The following XPO6 variants were observed in gnomAD, a reference collection of about 807,000 sequenced individuals.
XPO6 encodes exportin-6.
XPO6 carries 3 observed loss-of-function variants against 130.0 expected under a neutral mutation model. That is an observed-to-expected ratio of 0.02 (90% CI 0.01 to 0.06). XPO6 has a LOEUF of 0.06. Ranked by LOEUF, XPO6 falls within the 10% of genes least tolerant of loss-of-function variation. The pLI, the probability that XPO6 is intolerant of heterozygous loss-of-function variation, is 1.00. For synonymous variants in XPO6, 524 were observed against 548.9 expected (o/e 0.95, Z 0.63); for missense variants, 970 against 1,393.0 (o/e 0.70, Z 4.83).
intron 13 of XPO6, among the ~76,000 whole-genome samples, chr16:28,123,635 T>C (rs1375071218): frequency 6.6e-6 from 1 of 152,110 alleles, no homozygotes; most frequent in Non-Finnish European, 1.5e-5. Context: ...TTCCGGTCAG[T>C]CAAGAAAGTG....
In XPO6 at chr16:28,106,396, T is replaced by C. The variant is rs747689429; in HGVS notation, c.2599A>G (p.Asn867Asp). The change falls in exon 19 of 24, where the codon AAC becomes GAC. Residue 867 changes from asparagine to aspartate, a missense_variant. Asn to Asp is a conservative substitution (Grantham distance 23, BLOSUM62 1). Around this residue, in one of 4 missense-constraint regions of XPO6, gnomAD observed 936 missense variants for 1,306.8 expected, o/e 0.72. Transcript: ENST00000304658. The surrounding 1 kb of genome is among the most constrained non-coding windows in gnomAD (Gnocchi z 4.2). ...GTCTGTGCTTACCTGGTAAACATGT[T>C]GAGGAAAGTCTGTATGATTTGCTCA... ...FTEQIIQTFL[N>D]MFTREQLAES... 2 of 1,614,166 alleles carry C rather than the reference T, an allele frequency of 1.2e-6. No homozygotes were observed. Among genetic ancestry groups the C allele is most frequent in the South Asian group, 2.2e-5 (2 of 91,084 alleles).
chr16:28,207,846 G>A (rs1227538898), intron 1 of XPO6, among the ~76,000 whole-genome samples: 1 of 152,212 alleles, frequency 6.6e-6, no homozygotes, highest in Non-Finnish European at 1.5e-5. Context: ...GATACTGAAT[G>A]ACTAAGAGAA....
intron 2 of XPO6, among the ~76,000 whole-genome samples, chr16:28,178,759 CA>C (rs1241951320): frequency 3.6e-5 from 3 of 82,256 alleles, no homozygotes; most frequent in African/African-American, 1.2e-4. Flanking sequence ...TAAAACAAAA[CA>C]AAACAAAAAA....
rs879537934 is a variant in XPO6, at chr16:28,125,812, C to T, written c.1643G>A (p.Arg548Gln). The change falls in exon 13 of 24, where the codon CGG becomes CAG. Residue 548 changes from arginine (R) to glutamine (Q), a missense_variant. Physicochemically the swap from Arg to Gln is conservative, Grantham distance 43 (BLOSUM62 1). This residue lies in a region of XPO6 where 936 missense variants were observed against 1,306.8 expected (regional missense o/e 0.72). Coordinates refer to ENST00000304658, the MANE Select transcript of XPO6 (RefSeq NM_015171.4). ...GTCTCTCAGGGAGCAGTGCAGCCGC[C>T]GGCAGTCGTTCTCCGCCGTGATGTT... ...RLNITAENDC[R>Q]RLHCSLRDLS... is the part of the protein sequence containing the mutation. 12 of 1,614,084 alleles carry T rather than the reference C, an allele frequency of 7.4e-6. No homozygotes were observed. Among genetic ancestry groups the T allele is most frequent in the Non-Finnish European group, 1.0e-5 (12 of 1,180,034 alleles).
At position 28,175,599 on chromosome 16, in the gene XPO6, G is replaced by A. The variant is rs1276372782; in HGVS notation, c.405+299C>T. The stretch of plus-strand genomic sequence containing the variant: ...TCCCCCACTAAACGCCGAAACTACT[G>A]AAAGCCTCACCCTTGTACCCCCAAC... On this transcript the variant is annotated intron_variant, in intron 4 of 23. Coordinates refer to ENST00000304658, the MANE Select transcript of XPO6 (RefSeq NM_015171.4). 2.6e-5 allele frequency among the ~76,000 whole-genome samples: 4 copies of A among 152,264 alleles called. No homozygotes were observed. The East Asian group carries it at 7.7e-4, about 29-fold the overall frequency.
At position 28,159,983 on chromosome 16, in the gene XPO6, C is replaced by T. The variant is rs56943939; in HGVS notation, c.644-3456G>A. 2.0e-4 allele frequency among the ~76,000 whole-genome samples: 30 copies of T among 151,758 alleles called. No homozygotes were observed. The South Asian group carries it at 6.0e-3, about 31-fold the overall frequency. On this transcript the variant is annotated intron_variant, in intron 6 of 23. Transcript: ENST00000304658. ...GGCAAATCACTTGAGGTCAGGAATT[C>T]GAGACAAGCCCGGCCAACATGGTGA...
At chr16:28,141,829 G>A (rs1327571270) in intron 9 of XPO6, among the ~76,000 whole-genome samples, 3 of 152,136 alleles carry the variant, frequency 2.0e-5, no homozygotes, top group African/African-American at 7.2e-5. Flanking sequence ...GCGTGGTGGC[G>A]GGCACCTGTA....
chr16:28,190,219 CTTTAT>C (rs1380746687), intron 1 of XPO6, among the ~76,000 whole-genome samples: 3 of 145,732 alleles, frequency 2.1e-5, no homozygotes, highest in Non-Finnish European at 4.4e-5. Flanking sequence ...CAGTTTCTTT[CTTTAT>C]TTTTTTTTTT....
intron 1 of XPO6, among the ~76,000 whole-genome samples, chr16:28,184,520 A>C (rs1010736912): frequency 6.6e-6 from 1 of 152,124 alleles, no homozygotes; most frequent in Non-Finnish European, 1.5e-5. Flanking sequence ...AGTGTAAAAG[A>C]AAGCCACAAA....
chr16:28,211,386 CG>C lies in XPO6; in HGVS notation c.-19del, dbSNP rs1167385822. 7.6e-7 allele frequency: 1 copy of C among 1,312,282 alleles called. No individual in the cohort carries two copies. Among genetic ancestry groups the C allele is most frequent in the African/African-American group, 1.5e-5 (1 of 66,374 alleles). 81.3% of individuals were successfully genotyped at this position (1,312,282 alleles called of 1,614,324 possible). ...CTTACCATGCTGGCCGGGGAGGGGG[CG>C]GCTCAGATGAGCTGGTTCTTGGGCT... On this transcript the variant is annotated 5_prime_UTR_variant, in exon 1 of 24. Coordinates refer to ENST00000304658, the MANE Select transcript of XPO6 (RefSeq NM_015171.4).
At chr16:28,111,561 C>T in intron 17 of XPO6, 2 of 388,882 alleles carry the variant, frequency 5.1e-6, no homozygotes, top group African/African-American at 2.0e-5. Context: ...TCCATTTTTT[C>T]TTAGGGCTCC....
intron 1 of XPO6, among the ~76,000 whole-genome samples, chr16:28,197,414 A>T (rs1373644043): frequency 6.6e-6 from 1 of 152,226 alleles, no homozygotes; most frequent in Non-Finnish European, 1.5e-5. Context: ...ACAGACAAAA[A>T]ATAAAATCTA....
At chr16:28,109,360 C>G (rs559897166) in intron 17 of XPO6, among the ~76,000 whole-genome samples, 1 of 149,238 alleles carries the variant, frequency 6.7e-6, no homozygotes, top group African/African-American at 2.5e-5. Context: ...GTGCAGAACA[C>G]AGGAGCTGGA....
At chr16:28,202,415 C>T (rs1436390803) in intron 1 of XPO6, among the ~76,000 whole-genome samples, 5 of 152,016 alleles carry the variant, frequency 3.3e-5, no homozygotes, top group Admixed American at 1.3e-4. Flanking sequence ...GACAGAGGGA[C>T]GCAGAACCTG....
intron 17 of XPO6, among the ~76,000 whole-genome samples, chr16:28,109,556 T>C (rs919289679): frequency 3.3e-5 from 5 of 152,076 alleles, no homozygotes; most frequent in East Asian, 3.9e-4. Context: ...AACACGAACA[T>C]GCACCACTAC....
chr16:28,156,154 C>T lies in XPO6; in HGVS notation c.1017G>A (p.Gln339=). Residue 339 remains glutamine, a synonymous_variant, in exon 7 of 24, where the codon CAG becomes CAA. Coordinates refer to ENST00000304658, the MANE Select transcript of XPO6 (RefSeq NM_015171.4). The stretch of plus-strand genomic sequence containing the variant: ...TGATTTTCTGCAGGAGGTAGAAAGT[C>T]TGCTGGAACATACGCAGTAAATACT... The part of the protein sequence containing the change: ...FEEYLLRMFQ[Q]TFYLLQKITK... The T allele has an allele frequency of 6.2e-7, 1 of 1,614,118 alleles. No individual in the cohort carries two copies.
Position 28,133,883 on chromosome 16 carries a change from G to A in XPO6, c.1494C>T (p.Ala498=), listed in dbSNP as rs1361234398. The A allele has an allele frequency of 6.2e-7, 1 of 1,613,958 alleles. No individual in the cohort carries two copies. The highest frequency in any genetic ancestry group is 8.5e-7 in the Non-Finnish European group (1 of 1,179,994). ...GCGTGGGCAGGAGCTCCATCACTTT[G>A]GCCACCACCTCCAAGCTCTGCCGTA... The part of the protein sequence containing the change: ...RYLRQSLEVV[A]KVMELLPTHA... The change falls in exon 11 of 24, where the codon GCC becomes GCT. Residue 498 remains alanine, a synonymous_variant. Coordinates refer to ENST00000304658, the MANE Select transcript of XPO6 (RefSeq NM_015171.4).
At chr16:28,189,257 T>TAA (rs34353034) in intron 1 of XPO6, among the ~76,000 whole-genome samples, 7,814 of 134,532 alleles carry the variant, frequency 0.058, 708 homozygotes, top group African/African-American at 0.19. Context: ...ACACTTCCTT[T>TAA]AAAAAAAAAA....
At position 28,125,707 on chromosome 16, in the gene XPO6, G is replaced by A; in HGVS notation, c.1748C>T (p.Ala583Val). Residue 583 changes from alanine to valine, a missense_variant, in exon 13 of 24, where the codon GCC becomes GTC. This residue lies in a region of XPO6 where 936 missense variants were observed against 1,306.8 expected (regional missense o/e 0.72). Coordinates refer to ENST00000304658, the MANE Select transcript of XPO6 (RefSeq NM_015171.4). ...AGCCTACCTTTCCACGACTGTGAGG[G>A]CATCATTGAACCGTGCAGCAAACAC... ...GDVFAARFNDALTVVERLVKV... is the reference protein window; with the variant it reads ...GDVFAARFNDVLTVVERLVKV... 1 of 1,614,036 alleles carries A rather than the reference G, an allele frequency of 6.2e-7. No individual in the cohort carries two copies. The highest frequency in any genetic ancestry group is 8.5e-7 in the Non-Finnish European group (1 of 1,179,996).
Sources: allele counts gnomAD v4.1 joint callset (sites outside exome capture counted in the v4.1 genomes callset), GRCh38; gene constraint gnomAD v4.1.1; regional missense constraint gnomAD v4.1.1; non-coding constraint Gnocchi (gnomAD v3.1); transcripts MANE v1.5; gene names NCBI Gene and HGNC (gene_info 2026-07-23, HGNC 2026-07-21).